The following GRIK2 variants were observed in gnomAD, a reference collection of about 807,000 sequenced individuals.
GRIK2 encodes the protein glutamate receptor ionotropic, kainate 2.
A neutral mutation model predicts 100.3 loss-of-function variants in GRIK2; 32 were observed. The ratio of observed to expected loss-of-function variants is 0.32; its 90% CI spans 0.24 to 0.43. The LOEUF is 0.43. Among genes scored for constraint, GRIK2 ranks in the 20% least tolerant of loss-of-function variants. The pLI is 1.00. For missense variants in GRIK2, 843 were observed against 1,114.9 expected (o/e 0.76, Z 3.47); for synonymous variants, 417 against 389.4 (o/e 1.07, Z -0.83).
intron 7 of GRIK2, among the ~76,000 whole-genome samples, chr6:101,789,980 A>T (rs1021806271): frequency 3.9e-5 from 6 of 152,096 alleles, no homozygotes; most frequent in African/African-American, 1.4e-4. Flanking sequence ...TGTGAATGGG[A>T]GTTCACTCAT....
intron 14 of GRIK2, among the ~76,000 whole-genome samples, chr6:102,025,011 A>G (rs1769620861): frequency 1.3e-5 from 2 of 150,836 alleles, no homozygotes; most frequent in Admixed American, 1.3e-4. Context: ...CCACTGAAAA[A>G]TATCTTGGAA....
At chr6:101,953,699 C>T (rs1044309156) in intron 14 of GRIK2, among the ~76,000 whole-genome samples, 11 of 152,058 alleles carry the variant, frequency 7.2e-5, no homozygotes, top group African/African-American at 2.7e-4. Context: ...TTTTTCCATT[C>T]TTGGGTTATC....
intron 4 of GRIK2, among the ~76,000 whole-genome samples, chr6:101,671,358 A>G (rs1770418976): frequency 6.6e-6 from 1 of 150,592 alleles, no homozygotes; most frequent in Non-Finnish European, 1.5e-5. Flanking sequence ...CATAAATATT[A>G]TATTTTTATG....
intron 2 of GRIK2, among the ~76,000 whole-genome samples, chr6:101,523,261 C>T (rs1237206218): frequency 2.6e-5 from 4 of 152,050 alleles, no homozygotes; most frequent in Non-Finnish European, 4.4e-5. Context: ...ACCCAATTAA[C>T]AAAACCCTTA....
At chr6:101,938,931 CAAGT>C (rs1173623351) in intron 14 of GRIK2, among the ~76,000 whole-genome samples, 1 of 151,898 alleles carries the variant, frequency 6.6e-6, no homozygotes, top group Non-Finnish European at 1.5e-5. Context: ...CACCATAGCA[CAAGT>C]GAGTTCAGTG....
At chr6:101,593,957 A>T (rs1487395919) in intron 2 of GRIK2, among the ~76,000 whole-genome samples, 2 of 151,920 alleles carry the variant, frequency 1.3e-5, no homozygotes, top group Non-Finnish European at 2.9e-5. Context: ...TGCTTACATC[A>T]CATGAAAAAA....
intron 15 of GRIK2, among the ~76,000 whole-genome samples, chr6:102,054,540 A>G (rs1771372226): frequency 6.6e-6 from 1 of 152,146 alleles, no homozygotes; most frequent in African/African-American, 2.4e-5. Flanking sequence ...CTGGTCAATG[A>G]ATTAGCAGAT....
intron 4 of GRIK2, among the ~76,000 whole-genome samples, chr6:101,672,545 G>A (rs1174630846): frequency 6.6e-6 from 1 of 151,594 alleles, no homozygotes; most frequent in Non-Finnish European, 1.5e-5. Context: ...ATCTTCTAAC[G>A]ATTTGATTTT....
At chr6:102,034,139 C>T (rs1274203274) in intron 14 of GRIK2, among the ~76,000 whole-genome samples, 1 of 151,260 alleles carries the variant, frequency 6.6e-6, no homozygotes, top group Non-Finnish European at 1.5e-5. Flanking sequence ...CAAAGGTTTG[C>T]ATTTCTACCC....
At chr6:101,970,219 C>G (rs200622218) in intron 14 of GRIK2, among the ~76,000 whole-genome samples, 18 of 120,930 alleles carry the variant, frequency 1.5e-4, no homozygotes, top group African/African-American at 5.1e-4. Flanking sequence ...TTTTTTTTTT[C>G]TCTAGGATTT....
chr6:101,897,079 A>C (rs967453633), intron 12 of GRIK2, among the ~76,000 whole-genome samples: 3 of 151,398 alleles, frequency 2.0e-5, no homozygotes, highest in Non-Finnish European at 4.4e-5. Flanking sequence ...CACACGTATA[A>C]AAAATTTTTT....
intron 4 of GRIK2, among the ~76,000 whole-genome samples, chr6:101,644,127 G>A (rs952184748): frequency 6.6e-6 from 1 of 151,748 alleles, no homozygotes; most frequent in African/African-American, 2.4e-5. Context: ...TGAATAAGAT[G>A]TTTTGATTCT....
chr6:101,908,252 A>G (rs1254900137), intron 12 of GRIK2, among the ~76,000 whole-genome samples: 1 of 20,322 alleles, frequency 4.9e-5, no homozygotes. Context: ...ATGTGCAGCT[A>G]GTAAGTTGGT....
chr6:102,047,328 C>T (rs927674738), intron 15 of GRIK2, among the ~76,000 whole-genome samples: 11 of 151,762 alleles, frequency 7.2e-5, no homozygotes, highest in South Asian at 4.2e-4. Flanking sequence ...AAAAGAGAGG[C>T]GACTCAAAAT....
At chr6:102,020,918 A>T (rs1769388866) in intron 14 of GRIK2, among the ~76,000 whole-genome samples, 1 of 151,852 alleles carries the variant, frequency 6.6e-6, no homozygotes, top group Non-Finnish European at 1.5e-5. Flanking sequence ...ATTTAAAATA[A>T]AGTGACTATT....
At chr6:101,591,288 C>CTT (rs551138246) in intron 2 of GRIK2, among the ~76,000 whole-genome samples, 2 of 145,278 alleles carry the variant, frequency 1.4e-5, no homozygotes, top group Admixed American at 6.9e-5. Context: ...TATTTCTCTC[C>CTT]TTTTTTTTTT....
intron 9 of GRIK2, among the ~76,000 whole-genome samples, chr6:101,803,133 A>G (rs1405676432): frequency 6.6e-6 from 1 of 152,022 alleles, no homozygotes; most frequent in East Asian, 1.9e-4. Context: ...ATTAAATCTT[A>G]TTAGATCTTA....
At chr6:101,610,495 A>G (rs964252383) in intron 2 of GRIK2, among the ~76,000 whole-genome samples, 5 of 151,822 alleles carry the variant, frequency 3.3e-5, no homozygotes, top group African/African-American at 1.2e-4. Flanking sequence ...ATTTTGGCAG[A>G]TGATTTCTCA....
chr6:102,017,438 T>G (rs778373363), intron 14 of GRIK2, among the ~76,000 whole-genome samples: 1 of 152,140 alleles, frequency 6.6e-6, no homozygotes, highest in Non-Finnish European at 1.5e-5. Flanking sequence ...GAGACTTGAG[T>G]GGGGACATAA....
Sources: gnomAD v4.1 joint callset for allele counts (sites outside exome capture counted in the v4.1 genomes callset) on GRCh38, gnomAD v4.1.1 for gene constraint, MANE v1.5 for transcripts, NCBI Gene and HGNC (gene_info 2026-07-23, HGNC 2026-07-21) for gene names.